Variants in CSTPP1 observed in about 807,000 individuals in gnomAD.
CSTPP1 encodes UPF0705 protein C11orf49.
At chr11:47,059,200 G>T in the CSTPP1 span, among the ~76,000 whole-genome samples, 1 of 152,102 alleles carries the variant, frequency 6.6e-6, no homozygotes, top group Non-Finnish European at 1.5e-5. Flanking sequence ...TTGGGGGGCT[G>T]GGGGGTGAAG....
chr11:47,115,790 T>G, the CSTPP1 span, among the ~76,000 whole-genome samples: 3 of 152,078 alleles, frequency 2.0e-5, no homozygotes, highest in Non-Finnish European at 4.4e-5. Flanking sequence ...TTGATTTTTT[T>G]GTAGGGTTTT....
the CSTPP1 span, chr11:47,154,828 G>C: frequency 2.7e-6 from 1 of 367,268 alleles, no homozygotes; most frequent in Non-Finnish European, 5.0e-6. Flanking sequence ...TATATGAAAA[G>C]AAACCTTGGC....
the CSTPP1 span, chr11:47,157,043 G>A: frequency 3.7e-5 from 59 of 1,613,920 alleles, no homozygotes; most frequent in Non-Finnish European, 4.7e-5. Flanking sequence ...CAGTGTGGCT[G>A]CCATCTATGA....
At chr11:47,063,516 T>C in the CSTPP1 span, among the ~76,000 whole-genome samples, 2 of 152,184 alleles carry the variant, frequency 1.3e-5, no homozygotes, top group Non-Finnish European at 2.9e-5. Context: ...GAAACCACCA[T>C]TCTACTTTCT....
chr11:46,974,568 T>C, the CSTPP1 span, among the ~76,000 whole-genome samples: 25,472 of 149,114 alleles, frequency 0.17, 7,247 homozygotes, highest in African/African-American at 0.59. Context: ...AGGCCAGGCA[T>C]GGTGACTAAC....
chr11:47,036,215 A>T, the CSTPP1 span, among the ~76,000 whole-genome samples: 1 of 45,460 alleles, frequency 2.2e-5, no homozygotes, highest in Non-Finnish European at 5.0e-5. Context: ...TATTATATTA[A>T]TATATAATAT....
the CSTPP1 span, chr11:47,160,815 A>G: frequency 5.0e-6 from 2 of 401,472 alleles, no homozygotes; most frequent in Non-Finnish European, 9.2e-6. Context: ...TGAGGCCTCA[A>G]GAAGGAACTC....
At chr11:47,052,256 A>C in the CSTPP1 span, 1 of 1,161,326 alleles carries the variant, frequency 8.6e-7, no homozygotes, top group African/African-American at 1.6e-5. Flanking sequence ...GGTCTAATCT[A>C]GAGTTCAGAG....
chr11:47,031,570 T>A, the CSTPP1 span, among the ~76,000 whole-genome samples: 1 of 152,056 alleles, frequency 6.6e-6, no homozygotes, highest in Non-Finnish European at 1.5e-5. Flanking sequence ...TGGTAGCGCA[T>A]GTCTGAGTCC....
the CSTPP1 span, among the ~76,000 whole-genome samples, chr11:47,028,840 TTTC>T: frequency 6.6e-6 from 1 of 151,782 alleles, no homozygotes; most frequent in Non-Finnish European, 1.5e-5. Flanking sequence ...TATCTTTTTT[TTTC>T]TTCTTTTTTT....
At chr11:46,992,600 G>C in the CSTPP1 span, among the ~76,000 whole-genome samples, 2 of 152,054 alleles carry the variant, frequency 1.3e-5, no homozygotes, top group African/African-American at 4.8e-5. Flanking sequence ...AGTATTCCAT[G>C]GTGTATATGT....
the CSTPP1 span, chr11:47,137,393 A>G: frequency 2.4e-5 from 36 of 1,498,210 alleles, no homozygotes; most frequent in Non-Finnish European, 3.0e-5. Context: ...CACCCGACCA[A>G]TTTTCATACC....
chr11:47,063,166 A>G, the CSTPP1 span, among the ~76,000 whole-genome samples: 1 of 152,204 alleles, frequency 6.6e-6, no homozygotes, highest in Non-Finnish European at 1.5e-5. Context: ...ATGATATCAC[A>G]TAAAATTTTA....
chr11:47,086,444 G>C, the CSTPP1 span, among the ~76,000 whole-genome samples: 1 of 151,186 alleles, frequency 6.6e-6, no homozygotes, highest in African/African-American at 2.4e-5. Flanking sequence ...AGAAAAGGAA[G>C]TTGGGATCAC....
chr11:47,025,931 G>T, the CSTPP1 span, among the ~76,000 whole-genome samples: 5 of 152,184 alleles, frequency 3.3e-5, no homozygotes, highest in Non-Finnish European at 1.5e-5. Context: ...TGAAACTATG[G>T]TATGTGATCT....
At chr11:46,977,648 G>A in the CSTPP1 span, among the ~76,000 whole-genome samples, 1 of 152,296 alleles carries the variant, frequency 6.6e-6, no homozygotes, top group Non-Finnish European at 1.5e-5. Flanking sequence ...GCTTACTGAG[G>A]ACTGCTTCCT....
At chr11:47,131,300 C>T in the CSTPP1 span, among the ~76,000 whole-genome samples, 1 of 152,166 alleles carries the variant, frequency 6.6e-6, no homozygotes, top group Non-Finnish European at 1.5e-5. Flanking sequence ...CTATATTCCA[C>T]CACAGTTCTG....
chr11:47,124,672 C>A, the CSTPP1 span, among the ~76,000 whole-genome samples: 9 of 152,104 alleles, frequency 5.9e-5, no homozygotes, highest in Admixed American at 5.9e-4. Context: ...AGTTGGTATC[C>A]AATGGAAGGC....
chr11:46,985,876 G>A, the CSTPP1 span, among the ~76,000 whole-genome samples: 3 of 152,180 alleles, frequency 2.0e-5, no homozygotes, highest in Non-Finnish European at 4.4e-5. Context: ...TAACTAGGAA[G>A]TGGCAGAGCT....
Sources: gnomAD v4.1 joint callset for allele counts (sites outside exome capture counted in the v4.1 genomes callset) on GRCh38, gnomAD v4.1.1 for gene constraint, MANE v1.5 for transcripts, NCBI Gene and HGNC (gene_info 2026-07-23, HGNC 2026-07-21) for gene names.